The following ZNF423 variants were observed in gnomAD, a reference collection of about 807,000 sequenced individuals.
The protein encoded by ZNF423 is zinc finger protein 423.
ZNF423 carries 12 observed loss-of-function variants against 95.8 expected under a neutral mutation model. The ratio of observed to expected loss-of-function variants is 0.13; its 90% CI spans 0.08 to 0.20. ZNF423 has a LOEUF of 0.20. ZNF423 is among the 10% of genes least tolerant of loss of function. ZNF423 has a pLI of 1.00. For missense variants in ZNF423, 1,316 were observed against 1,737.1 expected (o/e 0.76, Z 4.31); for synonymous variants, 749 against 711.9 (o/e 1.05, Z -0.83).
Position 49,638,892 on chromosome 16 carries a change from G to A in ZNF423, c.302-18C>T, listed in dbSNP as rs887518084. 2 of 1,577,184 alleles carry A rather than the reference G, an allele frequency of 1.3e-6. No homozygotes were observed. Among genetic ancestry groups the A allele is most frequent in the African/African-American group, 2.7e-5 (2 of 74,050 alleles). On this transcript the variant is annotated intron_variant, in intron 3 of 7. Transcript: ENST00000563137. The surrounding 1 kb of genome is among the most constrained non-coding windows in gnomAD (Gnocchi z 5.6). ...ATCACCATCTGCAAGAGAAGGCAGA[G>A]AGGATATTAGAGGCAATTCCCAGGG...
intron 1 of ZNF423, among the ~76,000 whole-genome samples, chr16:49,844,762 G>T (rs916290969): frequency 6.6e-6 from 1 of 152,120 alleles, no homozygotes; most frequent in Non-Finnish European, 1.5e-5. Flanking sequence ...TATTGGCGAG[G>T]CCCTGTGGCT....
chr16:49,840,425 A>G (rs996178349), intron 1 of ZNF423, among the ~76,000 whole-genome samples: 19 of 152,164 alleles, frequency 1.2e-4, no homozygotes, highest in African/African-American at 4.6e-4. Flanking sequence ...AACTTTACAC[A>G]TGGCCAGCTG....
In ZNF423 at chr16:49,783,330, A is replaced by T. The variant is rs1262175955; in HGVS notation, c.100+6157T>A. On this transcript the variant is annotated intron_variant, in intron 2 of 7. Coordinates refer to ENST00000563137, the MANE Select transcript of ZNF423 (RefSeq NM_001379286.1). ...GCTGGGATGGGCAGGAAAGAGGGGG[A>T]TTAGGGTTAGCATTACAGTTAGGGT... 1.4e-4 allele frequency among the ~76,000 whole-genome samples: 17 copies of T among 117,986 alleles called. No individual in the cohort carries two copies. In the Admixed American group the frequency reaches 1.5e-3, roughly 10 times the overall value. 77.4% of individuals were successfully genotyped at this position (117,986 alleles called of 152,430 possible).
rs1329577986 is a variant in ZNF423 at position 49,603,991 on chromosome 16, C to G, written c.3601+22179G>C. 1.3e-5 allele frequency among the ~76,000 whole-genome samples: 2 copies of G among 152,202 alleles called. No individual in the cohort carries two copies. Among genetic ancestry groups the G allele is most frequent in the African/African-American group, 2.4e-5 (1 of 41,456 alleles). ...AGCCAAGCCCTGATACAGGGAGAAG[C>G]TTTTGATAGCAGGAACCCATTTGAG... On this transcript the variant is annotated intron_variant, in intron 5 of 7. Transcript: ENST00000563137. The surrounding 1 kb of genome is among the most constrained non-coding windows in gnomAD (Gnocchi z 4.1).
intron 7 of ZNF423, among the ~76,000 whole-genome samples, chr16:49,504,279 A>C (rs1177364770): frequency 6.6e-6 from 1 of 152,206 alleles, no homozygotes; most frequent in Non-Finnish European, 1.5e-5. Flanking sequence ...TTACAATGAA[A>C]AACAGGCCAG....
intron 5 of ZNF423, among the ~76,000 whole-genome samples, chr16:49,582,426 G>T (rs757324790): frequency 2.0e-5 from 3 of 152,228 alleles, no homozygotes; most frequent in Non-Finnish European, 4.4e-5. Context: ...ATCCAGAAAG[G>T]TGTGATTAAA....
chr16:49,755,116 T>C (rs2033702018), intron 2 of ZNF423, among the ~76,000 whole-genome samples: 1 of 152,058 alleles, frequency 6.6e-6, no homozygotes, highest in Non-Finnish European at 1.5e-5. Flanking sequence ...CTGGGAGCGG[T>C]CAAGCCCTGT....
chr16:49,747,485 A>T (rs2033550030), intron 2 of ZNF423, among the ~76,000 whole-genome samples: 1 of 152,222 alleles, frequency 6.6e-6, no homozygotes, highest in South Asian at 2.1e-4. Flanking sequence ...TCTATAATTA[A>T]ATATCACATA....
At chr16:49,851,960 A>G (rs1018907627) in intron 1 of ZNF423, among the ~76,000 whole-genome samples, 1 of 152,198 alleles carries the variant, frequency 6.6e-6, no homozygotes, top group Non-Finnish European at 1.5e-5. Context: ...GACCCTATAA[A>G]GGATTTGTTT....
Position 49,815,905 on chromosome 16 carries a change from TA to T in ZNF423, c.41-26360del, listed in dbSNP as rs2034843194. On this transcript the variant is annotated intron_variant, in intron 1 of 7. Coordinates refer to ENST00000563137, the MANE Select transcript of ZNF423 (RefSeq NM_001379286.1). ...AAATATATATATATATATATATATA[TA>T]TATATATATTTTTTTTTTTTTTTTT... Among the ~76,000 whole-genome samples the T allele has an allele frequency of 2.2e-3, 98 of 45,018 alleles. 2 individuals carry two copies. Among genetic ancestry groups the T allele is most frequent in the Non-Finnish European group, 3.6e-3 (87 of 24,436 alleles). The allele number at this position is 45,018 out of a possible 152,430, so 29.5% of individuals were successfully genotyped here.
chr16:49,514,205 CACACACAT>C (rs1446697358), intron 7 of ZNF423, among the ~76,000 whole-genome samples: 2 of 54,242 alleles, frequency 3.7e-5, no homozygotes, highest in African/African-American at 2.0e-4. Flanking sequence ...CACACACACA[CACACACAT>C]GCACACGCAC....
chr16:49,655,583 T>C (rs2029867944), intron 3 of ZNF423, among the ~76,000 whole-genome samples: 1 of 152,104 alleles, frequency 6.6e-6, no homozygotes, highest in African/African-American at 2.4e-5. Context: ...AAGTATCAAC[T>C]CCCCTCACAA....
At chr16:49,734,546 C>T (rs1194677819) in intron 2 of ZNF423, among the ~76,000 whole-genome samples, 2 of 152,222 alleles carry the variant, frequency 1.3e-5, no homozygotes, top group African/African-American at 4.8e-5. Flanking sequence ...CCGAAAACAG[C>T]CGGCTGGCTC....
chr16:49,506,042 G>T (rs1246252976), intron 7 of ZNF423, among the ~76,000 whole-genome samples: 1 of 152,166 alleles, frequency 6.6e-6, no homozygotes, highest in Non-Finnish European at 1.5e-5. Context: ...CTCACCAGAG[G>T]GGTGTGTGCT....
rs1464787963 is a variant in ZNF423 at position 49,637,341 on chromosome 16, C to T, written c.1835G>A (p.Ser612Asn). The T allele has an allele frequency of 6.2e-7, 1 of 1,614,104 alleles. No individual in the cohort carries two copies. The highest frequency in any genetic ancestry group is 1.3e-5 in the African/African-American group (1 of 74,940). The change falls in exon 4 of 8, where the codon AGC becomes AAC. Residue 612 changes from serine (S) to asparagine (N), a missense_variant. Physicochemically the swap from Ser to Asn is conservative, Grantham distance 46. Coordinates refer to ENST00000563137, the MANE Select transcript of ZNF423 (RefSeq NM_001379286.1). The surrounding 1 kb of genome is among the most constrained non-coding windows in gnomAD (Gnocchi z 5.6). ...AHSKKSKAEQSPVSSDVEVSS... is the reference protein window; with the variant it reads ...AHSKKSKAEQNPVSSDVEVSS... Reference sequence around the variant, plus strand: ...CACCTCCACATCGGACGAGACTGGGCTCTGCTCGGCCTTGGACTTCTTGCT... The same window carrying T: ...CACCTCCACATCGGACGAGACTGGGTTCTGCTCGGCCTTGGACTTCTTGCT...
intron 1 of ZNF423, among the ~76,000 whole-genome samples, chr16:49,842,410 A>AAGGAAGGAAGGAAGGCAGGC (rs1448904663): frequency 9.2e-4 from 72 of 77,934 alleles, no homozygotes; most frequent in African/African-American, 3.0e-3. Context: ...GGAAGGAAGG[A>AAGGAAGGAAGGAAGGCAGGC]AGGCAGGCAG....
At chr16:49,571,070 GC>G (rs1172189985) in intron 5 of ZNF423, among the ~76,000 whole-genome samples, 2 of 152,216 alleles carry the variant, frequency 1.3e-5, no homozygotes, top group East Asian at 3.8e-4. Context: ...CATTGGCCAG[GC>G]TTTTCCAACA....
chr16:49,512,960 G>A lies in ZNF423; in HGVS notation c.3849+10664C>T, dbSNP rs556024507. Among the ~76,000 whole-genome samples, 15 of 152,258 alleles carry A rather than the reference G, an allele frequency of 9.9e-5. 1 individual carries two copies. The highest frequency in any genetic ancestry group is 3.6e-4 in the African/African-American group (15 of 41,534). ...AAAAATACAAAATTAGCCAGGCATG[G>A]TGGTGGGCACCTGTAATCCCAGCTA... On this transcript the variant is annotated intron_variant, in intron 7 of 7. Transcript: ENST00000563137.
chr16:49,554,215 T>G (rs957908340), intron 5 of ZNF423, among the ~76,000 whole-genome samples: 2 of 152,152 alleles, frequency 1.3e-5, no homozygotes, highest in African/African-American at 4.8e-5. Flanking sequence ...AACCAGGAGT[T>G]TGAAGCATGC....
Sources: gnomAD v4.1 joint callset for allele counts (sites outside exome capture counted in the v4.1 genomes callset) on GRCh38, gnomAD v4.1.1 for gene constraint, Gnocchi (gnomAD v3.1) non-coding constraint, MANE v1.5 for transcripts, NCBI Gene and HGNC (gene_info 2026-07-23, HGNC 2026-07-21) for gene names.